The following SGCD variants were observed in gnomAD, a reference collection of about 807,000 sequenced individuals.
The protein encoded by SGCD is sarcoglycan delta, also known as delta-sarcoglycan.
In SGCD, 18 loss-of-function variants were observed where a neutral mutation model predicts 36.6. The ratio of observed to expected loss-of-function variants is 0.49; its 90% CI spans 0.34 to 0.73. The LOEUF (loss-of-function observed/expected upper bound fraction) is 0.73, where lower values mean the gene tolerates loss of function less well. Among genes scored for constraint, SGCD ranks in the 30% least tolerant of loss-of-function variants. The pLI is 0.01. For synonymous variants in SGCD, 133 were observed against 130.6 expected (o/e 1.02, Z -0.12); for missense variants, 387 against 346.7 (o/e 1.12, Z -0.92).
chr5:156,687,400 C>G (rs146244295), intron 7 of SGCD, among the ~76,000 whole-genome samples: 352 of 152,222 alleles, frequency 2.3e-3, no homozygotes, highest in Non-Finnish European at 3.9e-3. Context: ...TTTTCTTTTC[C>G]TCTCTGAAAA....
chr5:156,295,191 C>A (rs762164237), intron 3 of SGCD, among the ~76,000 whole-genome samples: 1 of 152,054 alleles, frequency 6.6e-6, no homozygotes, highest in Non-Finnish European at 1.5e-5. Context: ...TTCTGCCTGG[C>A]TTAATCTTGG....
At position 155,881,789 on chromosome 5, in the gene SGCD, C is replaced by G. The variant is rs147027625; in HGVS notation, c.-282+11365C>G. Among the ~76,000 whole-genome samples the G allele has an allele frequency of 2.1e-3, 324 of 152,300 alleles. 1 individual carries two copies. The highest frequency in any genetic ancestry group is 7.1e-3 in the African/African-American group (295 of 41,568). ...ACAAAGTTTATAGAATTTTCTAAAC[C>G]CTTTGTTGTCATTTCAACAAATTTT... On this transcript the variant is annotated intron_variant, in intron 1 of 9. Transcript: ENST00000517913.
intron 3 of SGCD, among the ~76,000 whole-genome samples, chr5:156,161,308 G>A (rs983446821): frequency 6.6e-6 from 1 of 151,766 alleles, no homozygotes; most frequent in African/African-American, 2.4e-5. Flanking sequence ...TTCAAACTCT[G>A]TAGTAAACAT....
the SGCD span, among the ~76,000 whole-genome samples, chr5:155,808,559 G>T: frequency 0.013 from 2,052 of 152,214 alleles, 57 homozygotes; most frequent in African/African-American, 0.047. Flanking sequence ...AGTGAAGATT[G>T]GATGGCATTG....
intron 4 of SGCD, among the ~76,000 whole-genome samples, chr5:156,571,531 C>A (rs1433571333): frequency 6.6e-6 from 1 of 152,136 alleles, no homozygotes; most frequent in Non-Finnish European, 1.5e-5. Context: ...CTCTCTCCCC[C>A]TGAATGTATA....
the SGCD span, among the ~76,000 whole-genome samples, chr5:155,824,864 A>G: frequency 6.6e-6 from 1 of 152,190 alleles, no homozygotes; most frequent in Non-Finnish European, 1.5e-5. Flanking sequence ...TTCATGGAAT[A>G]TCAGATTTTA....
the SGCD span, among the ~76,000 whole-genome samples, chr5:155,753,146 T>A: frequency 1.3e-5 from 2 of 151,814 alleles, no homozygotes; most frequent in African/African-American, 4.8e-5. Context: ...GACCATCCTG[T>A]CCAACATGAT....
chr5:155,977,089 A>G (rs1758130570), intron 1 of SGCD, among the ~76,000 whole-genome samples: 1 of 152,196 alleles, frequency 6.6e-6, no homozygotes, highest in Non-Finnish European at 1.5e-5. Flanking sequence ...TTTGCTTTCC[A>G]GTCACTGGGC....
At chr5:156,617,139 G>C (rs776402917) in intron 6 of SGCD, among the ~76,000 whole-genome samples, 1 of 152,166 alleles carries the variant, frequency 6.6e-6, no homozygotes, top group African/African-American at 2.4e-5. Context: ...CATAGACTTA[G>C]AATAGCACCT....
intron 3 of SGCD, among the ~76,000 whole-genome samples, chr5:156,188,096 C>T (rs570653679): frequency 6.6e-6 from 1 of 152,156 alleles, no homozygotes; most frequent in South Asian, 2.1e-4. Context: ...CATTTTATGC[C>T]CCAGATGCCT....
chr5:156,021,405 A>T (rs1186846139), intron 1 of SGCD, among the ~76,000 whole-genome samples: 1 of 152,174 alleles, frequency 6.6e-6, no homozygotes, highest in East Asian at 1.9e-4. Context: ...CTGTAGTCTC[A>T]TCTACTTGGG....
intron 4 of SGCD, among the ~76,000 whole-genome samples, chr5:156,587,748 G>A (rs550778861): frequency 2.6e-5 from 4 of 152,176 alleles, no homozygotes; most frequent in African/African-American, 9.6e-5. Flanking sequence ...CTTAGCCCAA[G>A]TGTTCATTCC....
At chr5:155,964,927 A>G (rs1757873602) in intron 1 of SGCD, among the ~76,000 whole-genome samples, 2 of 152,068 alleles carry the variant, frequency 1.3e-5, no homozygotes, top group South Asian at 4.1e-4. Context: ...GCCAATGTAG[A>G]TTTAGCATTA....
At chr5:156,193,331 G>C (rs1449899624) in intron 3 of SGCD, among the ~76,000 whole-genome samples, 2 of 152,102 alleles carry the variant, frequency 1.3e-5, no homozygotes, top group Non-Finnish European at 2.9e-5. Flanking sequence ...CTGTGGTGTA[G>C]CCAAGTCTAT....
chr5:156,421,837 C>T (rs971505928), intron 3 of SGCD, among the ~76,000 whole-genome samples: 1 of 151,976 alleles, frequency 6.6e-6, no homozygotes, highest in African/African-American at 2.4e-5. Flanking sequence ...AGGGATAAGT[C>T]CTAATACCCA....
intron 3 of SGCD, among the ~76,000 whole-genome samples, chr5:156,141,485 A>C (rs1057012017): frequency 6.6e-6 from 1 of 152,220 alleles, no homozygotes; most frequent in African/African-American, 2.4e-5. Context: ...CCAACCCTTA[A>C]CCTGGCAGAG....
At chr5:155,755,762 G>T in the SGCD span, among the ~76,000 whole-genome samples, 3 of 152,110 alleles carry the variant, frequency 2.0e-5, no homozygotes, top group South Asian at 6.2e-4. Context: ...CTTTTACAGG[G>T]ATCTCTCCTT....
At chr5:155,729,530 A>G in the SGCD span, among the ~76,000 whole-genome samples, 3 of 152,364 alleles carry the variant, frequency 2.0e-5, no homozygotes, top group South Asian at 6.2e-4. Context: ...TGACGGATCC[A>G]GCCTCCGGAA....
intron 7 of SGCD, among the ~76,000 whole-genome samples, chr5:156,670,399 A>G (rs1193117952): frequency 6.6e-6 from 1 of 152,110 alleles, no homozygotes; most frequent in Non-Finnish European, 1.5e-5. Context: ...TTTATTATGG[A>G]AAGTGTGTGG....
Sources: allele counts gnomAD v4.1 joint callset (sites outside exome capture counted in the v4.1 genomes callset), GRCh38; gene constraint gnomAD v4.1.1; transcripts MANE v1.5; gene names NCBI Gene and HGNC (gene_info 2026-07-23, HGNC 2026-07-21).